The following MAP2 variants were observed in gnomAD, a reference collection of about 807,000 sequenced individuals.
The protein encoded by MAP2 is microtubule associated protein 2, also known as microtubule-associated protein 2.
In MAP2, 14 loss-of-function variants were observed where a neutral mutation model predicts 137.6. The ratio of observed to expected loss-of-function variants is 0.10; its 90% confidence interval spans 0.07 to 0.16. MAP2 has a LOEUF of 0.16. MAP2 is among the 10% of genes least tolerant of loss of function. MAP2 has a pLI of 1.00. For missense variants in MAP2, 2,088 were observed against 2,191.5 expected (o/e 0.95, Z 0.94); for synonymous variants, 786 against 782.3 (o/e 1.00, Z -0.08).
chr2:209,675,325 A>T (rs1396524855), intron 5 of MAP2, among the ~76,000 whole-genome samples: 1 of 151,864 alleles, frequency 6.6e-6, no homozygotes, highest in Non-Finnish European at 1.5e-5. Flanking sequence ...ACATAAACAC[A>T]CTTATAAATT....
intron 4 of MAP2, among the ~76,000 whole-genome samples, chr2:209,650,470 C>A (rs1331572539): frequency 6.6e-6 from 1 of 151,950 alleles, no homozygotes; most frequent in Non-Finnish European, 1.5e-5. Context: ...CTAATCATTA[C>A]AAAAAACAGA....
chr2:209,721,568 A>C (rs2070982430), intron 13 of MAP2, among the ~76,000 whole-genome samples: 1 of 152,220 alleles, frequency 6.6e-6, no homozygotes, highest in African/African-American at 2.4e-5. Flanking sequence ...TAATCTCTTA[A>C]TAATGCTGGC....
chr2:209,576,612 A>G (rs905462034), intron 2 of MAP2, among the ~76,000 whole-genome samples: 1 of 152,002 alleles, frequency 6.6e-6, no homozygotes, highest in Non-Finnish European at 1.5e-5. Flanking sequence ...CTTTTTTTCC[A>G]TTCCCAGAAC....
intron 11 of MAP2, among the ~76,000 whole-genome samples, chr2:209,702,282 C>T (rs1423156651): frequency 2.6e-5 from 4 of 151,952 alleles, no homozygotes; most frequent in Non-Finnish European, 4.4e-5. Flanking sequence ...TGTAAATGCC[C>T]GTCTTGTCTT....
Position 209,498,936 on chromosome 2 carries a change from G to T in MAP2, c.-221-8656G>T, listed in dbSNP as rs190058910. Among the ~76,000 whole-genome samples, 24 of 152,258 alleles carry T rather than the reference G, an allele frequency of 1.6e-4. No homozygotes were observed. The East Asian group carries it at 4.5e-3, about 28-fold the overall frequency. On this transcript the variant is annotated intron_variant, in intron 1 of 15. Transcript: ENST00000682079. ...TTTTCCCATTATCTTGGCTGTGAGT[G>T]TTTGGTGGGGTTTCATTATGCAAAT...
At chr2:209,461,776 A>G (rs1048108229) in intron 1 of MAP2, among the ~76,000 whole-genome samples, 11 of 151,912 alleles carry the variant, frequency 7.2e-5, no homozygotes, top group Non-Finnish European at 1.3e-4. Context: ...AATTGTTTTT[A>G]TTGTTTGTTT....
At chr2:209,520,624 A>G (rs1018645945) in intron 2 of MAP2, among the ~76,000 whole-genome samples, 1 of 151,908 alleles carries the variant, frequency 6.6e-6, no homozygotes, top group African/African-American at 2.4e-5. Context: ...CTAATTTCTA[A>G]TGAAAAGGGT....
chr2:209,632,786 A>T (rs1471970292), intron 4 of MAP2, among the ~76,000 whole-genome samples: 1 of 152,140 alleles, frequency 6.6e-6, no homozygotes, highest in Non-Finnish European at 1.5e-5. Flanking sequence ...GCCAGGCACC[A>T]GATTCTGAAG....
intron 8 of MAP2, 37 bp downstream of exon 8, chr2:209,696,387 C>T (rs1332623432): frequency 6.6e-7 from 1 of 1,522,244 alleles, no homozygotes. Flanking sequence ...AACTCAAACA[C>T]AATAACCTTA....
In MAP2 at chr2:209,694,816, T is replaced by C; in HGVS notation, c.2646T>C (p.Pro882=). ...AGTACACAGTCCCATTGCCATCACC[T>C]GTTCAAGACAGTGAGAATTTATCAG... ...FNKYTVPLPS[P]VQDSENLSGE... The change falls in exon 8 of 16, where the codon CCT becomes CCC. Residue 882 remains proline, a synonymous_variant. Transcript: ENST00000682079. 6.2e-7 allele frequency: 1 copy of C among 1,614,182 alleles called. No homozygotes were observed. The highest frequency in any genetic ancestry group is 8.5e-7 in the Non-Finnish European group (1 of 1,180,014).
chr2:209,602,617 A>G (rs1241024454), intron 3 of MAP2, among the ~76,000 whole-genome samples: 1 of 152,226 alleles, frequency 6.6e-6, no homozygotes, highest in Non-Finnish European at 1.5e-5. Context: ...TAAAAAGTAC[A>G]CATTCACACT....
At chr2:209,576,557 T>C (rs1578827749) in intron 2 of MAP2, among the ~76,000 whole-genome samples, 2 of 152,152 alleles carry the variant, frequency 1.3e-5, no homozygotes, top group African/African-American at 2.4e-5. Flanking sequence ...TTCTGTTAAC[T>C]AATTTATTAA....
chr2:209,729,975 G>A lies in MAP2; in HGVS notation c.5268+13G>A, dbSNP rs2075459407. ...TGGTAATGTCAAGGTAAGAAACAAG[G>A]TTATGAGCCAATCTTGTCTTTTTAA... On this transcript the variant is annotated intron_variant, in intron 15 of 15. Coordinates refer to ENST00000682079, the MANE Select transcript of MAP2 (RefSeq NM_001375505.1). 3 of 1,525,174 alleles carry A rather than the reference G, an allele frequency of 2.0e-6. No homozygotes were observed. Among genetic ancestry groups the A allele is most frequent in the Non-Finnish European group, 9.0e-7 (1 of 1,115,808 alleles). 94.5% of individuals were successfully genotyped at this position (1,525,174 alleles called of 1,614,324 possible). A position where few individuals can be genotyped will look rare whatever the true frequency, so the allele number is the denominator to read the frequency against.
chr2:209,462,662 T>A (rs1452554925), intron 1 of MAP2, among the ~76,000 whole-genome samples: 1 of 152,200 alleles, frequency 6.6e-6, no homozygotes, highest in African/African-American at 2.4e-5. Context: ...TACCAATTTT[T>A]GCTATTATGG....
At chr2:209,702,072 T>C (rs1305518255) in intron 11 of MAP2, among the ~76,000 whole-genome samples, 1 of 152,084 alleles carries the variant, frequency 6.6e-6, no homozygotes, top group Admixed American at 6.6e-5. Flanking sequence ...TAGTTGTTAG[T>C]TATTATTTTA....
chr2:209,490,865 C>G (rs541012896), intron 1 of MAP2, among the ~76,000 whole-genome samples: 1 of 152,086 alleles, frequency 6.6e-6, no homozygotes, highest in South Asian at 2.1e-4. Flanking sequence ...GACTTTACCA[C>G]CCCATTGTCA....
At chr2:209,427,303 A>T (rs1435018405) in intron 1 of MAP2, among the ~76,000 whole-genome samples, 2 of 152,224 alleles carry the variant, frequency 1.3e-5, no homozygotes, top group Non-Finnish European at 2.9e-5. Context: ...GTAAGTCATT[A>T]GTAAATGCAT....
chr2:209,556,712 G>A (rs1023194453), intron 2 of MAP2, among the ~76,000 whole-genome samples: 44 of 148,370 alleles, frequency 3.0e-4, no homozygotes, highest in African/African-American at 1.0e-3. Flanking sequence ...CAACCAAAAT[G>A]GAAGGAAATA....
intron 2 of MAP2, among the ~76,000 whole-genome samples, chr2:209,568,168 G>A (rs992442480): frequency 6.6e-6 from 1 of 151,980 alleles, no homozygotes; most frequent in Non-Finnish European, 1.5e-5. Flanking sequence ...TAGAGGAAGA[G>A]GAGAGACTAA....
Sources: gnomAD v4.1 joint callset for allele counts (sites outside exome capture counted in the v4.1 genomes callset) on GRCh38, gnomAD v4.1.1 for gene constraint, MANE v1.5 for transcripts, NCBI Gene and HGNC (gene_info 2026-07-23, HGNC 2026-07-21) for gene names.